PDE10A: variants seen among roughly 807,000 people sequenced by gnomAD.
PDE10A encodes phosphodiesterase 10A.
In PDE10A, 39 loss-of-function variants were observed where a neutral mutation model predicts 97.7. The observed-to-expected ratio is 0.40, with a 90% CI of 0.31 to 0.52. The LOEUF is 0.52. Ranked by LOEUF, PDE10A falls within the 20% of genes least tolerant of loss-of-function variation. The pLI, the probability that PDE10A is intolerant of heterozygous loss-of-function variation, is 0.56. For missense variants in PDE10A, 731 were observed against 1,047.8 expected (o/e 0.70, Z 4.17); for synonymous variants, 371 against 376.8 (o/e 0.98, Z 0.18).
Position 165,722,144 on chromosome 6 carries a change from A to C in PDE10A, c.-614-178576T>G, listed in dbSNP as rs568133556. Among the ~76,000 whole-genome samples the C allele has an allele frequency of 3.9e-5, 6 of 152,356 alleles. No homozygotes were observed. The South Asian group carries it at 1.2e-3, about 32-fold the overall frequency. ...CAGATACTTCTACCTGATTAATCTC[A>C]TCTTACTGATAGATAAACTTCACGG... On this transcript the variant is annotated intron_variant, in intron 1 of 19. Transcript: ENST00000366882.
At chr6:165,608,888 C>T (rs564911657) in intron 1 of PDE10A, among the ~76,000 whole-genome samples, 2 of 152,274 alleles carry the variant, frequency 1.3e-5, no homozygotes, top group African/African-American at 4.8e-5. Flanking sequence ...TTTCATGTGA[C>T]TATTGGCTGC....
intron 1 of PDE10A, among the ~76,000 whole-genome samples, chr6:165,679,105 T>C (rs1022831063): frequency 1.1e-4 from 17 of 152,210 alleles, no homozygotes; most frequent in Admixed American, 8.5e-4. Flanking sequence ...TAGGTAATTG[T>C]GGCATTGGGT....
At chr6:165,676,108 TAACTG>T (rs1169660980) in intron 1 of PDE10A, among the ~76,000 whole-genome samples, 1 of 152,208 alleles carries the variant, frequency 6.6e-6, no homozygotes, top group African/African-American at 2.4e-5. Flanking sequence ...GCCATTATCT[TAACTG>T]AAACAACTCA....
chr6:165,654,849 G>C (rs1789857588), intron 1 of PDE10A, among the ~76,000 whole-genome samples: 1 of 152,138 alleles, frequency 6.6e-6, no homozygotes, highest in Non-Finnish European at 1.5e-5. Context: ...CCCTCTTGAG[G>C]CTCCGCTTCT....
At chr6:165,406,306 T>G (rs1033134116) in intron 13 of PDE10A, among the ~76,000 whole-genome samples, 6 of 150,234 alleles carry the variant, frequency 4.0e-5, no homozygotes, top group African/African-American at 1.5e-4. Context: ...TAGTTGAATT[T>G]TAGGAGATAA....
chr6:165,904,299 T>G (rs1228285206), intron 1 of PDE10A, among the ~76,000 whole-genome samples: 1 of 152,064 alleles, frequency 6.6e-6, no homozygotes, highest in East Asian at 1.9e-4. Context: ...TGCATCTGCC[T>G]TAGGAGAAGG....
At chr6:165,574,775 T>C (rs758321643) in intron 1 of PDE10A, among the ~76,000 whole-genome samples, 11 of 152,186 alleles carry the variant, frequency 7.2e-5, no homozygotes, top group Non-Finnish European at 1.6e-4. Flanking sequence ...TCATAAACTG[T>C]CATACTGGTC....
chr6:165,545,453 T>C (rs560773448), intron 1 of PDE10A, among the ~76,000 whole-genome samples: 1 of 152,254 alleles, frequency 6.6e-6, no homozygotes, highest in South Asian at 2.1e-4. Flanking sequence ...TAGTAATAAC[T>C]GACTCATTCC....
chr6:165,927,678 A>ATATATAT (rs1562801740), intron 1 of PDE10A, among the ~76,000 whole-genome samples: 1 of 118,514 alleles, frequency 8.4e-6, no homozygotes, highest in Non-Finnish European at 1.7e-5. Context: ...ATATATATAT[A>ATATATAT]GTTTTTTGTT....
intron 1 of PDE10A, among the ~76,000 whole-genome samples, chr6:165,804,760 G>C (rs978186315): frequency 2.6e-5 from 4 of 152,022 alleles, no homozygotes; most frequent in Non-Finnish European, 5.9e-5. Context: ...GCGGGGTCGG[G>C]GAGCGGCGGC....
chr6:165,816,116 A>T (rs1414695814), intron 1 of PDE10A, among the ~76,000 whole-genome samples: 1 of 151,796 alleles, frequency 6.6e-6, no homozygotes, highest in Non-Finnish European at 1.5e-5. Context: ...CTCCTGGCTA[A>T]TTTTTTGTAT....
intron 1 of PDE10A, among the ~76,000 whole-genome samples, chr6:165,690,154 T>C (rs1481815122): frequency 6.6e-6 from 1 of 152,188 alleles, no homozygotes; most frequent in Non-Finnish European, 1.5e-5. Flanking sequence ...CCATAGCTTA[T>C]GATTCTTCTT....
At chr6:165,533,243 T>TA (rs1782888720) in intron 2 of PDE10A, among the ~76,000 whole-genome samples, 1 of 152,198 alleles carries the variant, frequency 6.6e-6, no homozygotes, top group African/African-American at 2.4e-5. Flanking sequence ...TATACAGTAA[T>TA]ATGTCACTTA....
At chr6:165,694,176 A>G (rs1231683226) in intron 1 of PDE10A, among the ~76,000 whole-genome samples, 1 of 152,228 alleles carries the variant, frequency 6.6e-6, no homozygotes, top group Non-Finnish European at 1.5e-5. Flanking sequence ...CGTATATCTC[A>G]TCATAAGTTA....
intron 13 of PDE10A, among the ~76,000 whole-genome samples, chr6:165,400,529 C>T (rs1786570235): frequency 6.6e-6 from 1 of 152,072 alleles, no homozygotes. Flanking sequence ...AAAAGATGGA[C>T]AAAAGATGTG....
chr6:165,566,436 A>T (rs531752160), intron 1 of PDE10A, among the ~76,000 whole-genome samples: 1 of 152,368 alleles, frequency 6.6e-6, no homozygotes, highest in Admixed American at 6.5e-5. Flanking sequence ...GCCAGCAAGA[A>T]TGTGGAACAA....
At chr6:165,511,285 T>C (rs1781492351) in intron 2 of PDE10A, among the ~76,000 whole-genome samples, 1 of 152,036 alleles carries the variant, frequency 6.6e-6, no homozygotes, top group Non-Finnish European at 1.5e-5. Context: ...ATTGACCCAA[T>C]GGTTATTTGG....
At chr6:165,871,802 G>A (rs1024339591) in intron 1 of PDE10A, among the ~76,000 whole-genome samples, 2 of 152,200 alleles carry the variant, frequency 1.3e-5, no homozygotes, top group Non-Finnish European at 2.9e-5. Context: ...CAGCAGCCTG[G>A]AGGGGAGTGC....
chr6:165,727,741 G>GA (rs977162205), intron 1 of PDE10A, among the ~76,000 whole-genome samples: 7 of 152,014 alleles, frequency 4.6e-5, no homozygotes, highest in African/African-American at 1.2e-4. Context: ...TTCATTGCAA[G>GA]AAAAAAATCC....
Sources: allele counts gnomAD v4.1 joint callset (sites outside exome capture counted in the v4.1 genomes callset), GRCh38; gene constraint gnomAD v4.1.1; transcripts MANE v1.5; gene names NCBI Gene and HGNC (gene_info 2026-07-23, HGNC 2026-07-21).